Variants in TSEN2 observed in about 807,000 individuals in gnomAD.
TSEN2 encodes tRNA splicing endonuclease subunit 2.
In TSEN2, 54 loss-of-function variants were observed where a neutral mutation model predicts 59.2. That is an observed-to-expected ratio of 0.91 (90% confidence interval 0.73 to 1.14). The LOEUF is 1.14. Ranked by LOEUF, TSEN2 falls within the 50% of genes most tolerant of loss-of-function variation. The pLI is 0.00. For synonymous variants in TSEN2, 195 were observed against 198.2 expected (o/e 0.98, Z 0.14); for missense variants, 636 against 576.2 (o/e 1.10, Z -1.06).
At chr3:12,500,260 TTCAGC>T (rs1272819048) in intron 4 of TSEN2, among the ~76,000 whole-genome samples, 1 of 152,258 alleles carries the variant, frequency 6.6e-6, no homozygotes, top group Non-Finnish European at 1.5e-5. Context: ...AGAGGACGCC[TTCAGC>T]TCTGACCCAT....
intron 1 of TSEN2, among the ~76,000 whole-genome samples, chr3:12,487,306 C>T (rs2052717299): frequency 6.6e-6 from 1 of 152,152 alleles, no homozygotes; most frequent in African/African-American, 2.4e-5. Flanking sequence ...GTCGCAGGGA[C>T]CCTTCCATCC....
At chr3:12,505,783 C>CA (rs34334319) in intron 6 of TSEN2, among the ~76,000 whole-genome samples, 46,572 of 84,388 alleles carry the variant, frequency 0.55, 12,116 homozygotes, top group African/African-American at 0.67. Context: ...AACTCTGTCT[C>CA]AAAAAAAAAA....
chr3:12,487,110 C>A (rs1392804495), intron 1 of TSEN2, among the ~76,000 whole-genome samples: 1 of 152,170 alleles, frequency 6.6e-6, no homozygotes, highest in Non-Finnish European at 1.5e-5. Flanking sequence ...GAGGAACTGC[C>A]AGACTCCTCC....
At chr3:12,508,504 C>T (rs2055077342) in intron 6 of TSEN2, among the ~76,000 whole-genome samples, 2 of 152,150 alleles carry the variant, frequency 1.3e-5, no homozygotes. Context: ...GGAACACAGG[C>T]AGAATGGGGT....
At position 12,503,384 on chromosome 3, in the gene TSEN2, A is replaced by G. The variant is rs778603443; in HGVS notation, c.431A>G (p.Asn144Ser). 6.2e-6 allele frequency: 10 copies of G among 1,614,096 alleles called. No individual in the cohort carries two copies. The highest frequency in any genetic ancestry group is 7.6e-6 in the Non-Finnish European group (9 of 1,180,038). ...CTTGAGCATCCTCCTGTGAAAAGGA[A>G]TGAAGAGGCTCAAGTGCATGACAAG... ...KPLEHPPVKR[N>S]EEAQVHDKLN... The change falls in exon 5 of 12, where the codon AAT becomes AGT. Residue 144 changes from asparagine (N) to serine (S), a missense_variant. Transcript: ENST00000284995.
chr3:12,513,582 C>A (rs1559329784), intron 6 of TSEN2, among the ~76,000 whole-genome samples: 1 of 152,172 alleles, frequency 6.6e-6, no homozygotes, highest in Non-Finnish European at 1.5e-5. Flanking sequence ...ACTTCCAAGG[C>A]CCTAGCTAAC....
intron 5 of TSEN2, among the ~76,000 whole-genome samples, chr3:12,504,767 TCAA>T (rs1474439835): frequency 6.6e-6 from 1 of 151,840 alleles, no homozygotes; most frequent in Non-Finnish European, 1.5e-5. Flanking sequence ...ACACCTGTAA[TCAA>T]CACTTTGGGA....
upstream of TSEN2, chr3:12,484,476 C>T (rs575482686): frequency 6.6e-6 from 1 of 152,394 alleles, no homozygotes; most frequent in African/African-American, 2.4e-5. Context: ...GCCCCACGGC[C>T]GGCGTTGCCG....
intron 4 of TSEN2, among the ~76,000 whole-genome samples, chr3:12,497,399 T>C (rs939596680): frequency 6.6e-6 from 1 of 152,188 alleles, no homozygotes; most frequent in African/African-American, 2.4e-5. Context: ...TCCTTTTTGG[T>C]TACATGCTTG....
intron 5 of TSEN2, among the ~76,000 whole-genome samples, chr3:12,504,054 C>A (rs1485882183): frequency 6.6e-6 from 1 of 152,148 alleles, no homozygotes; most frequent in Non-Finnish European, 1.5e-5. Context: ...GATAATTACA[C>A]CTGATCTTGA....
chr3:12,496,896 T>A (rs1220204713), intron 4 of TSEN2, among the ~76,000 whole-genome samples: 2 of 152,172 alleles, frequency 1.3e-5, no homozygotes, highest in Non-Finnish European at 2.9e-5. Flanking sequence ...CCTGTCCCCC[T>A]TCCTCCAGCT....
At chr3:12,526,141 C>T (rs1043988901) in intron 8 of TSEN2, among the ~76,000 whole-genome samples, 1 of 151,890 alleles carries the variant, frequency 6.6e-6, no homozygotes, top group African/African-American at 2.4e-5. Context: ...GAGTTCAAGA[C>T]CAGCCTGGGC....
At chr3:12,497,998 C>T (rs1396421173) in intron 4 of TSEN2, among the ~76,000 whole-genome samples, 1 of 151,978 alleles carries the variant, frequency 6.6e-6, no homozygotes, top group Non-Finnish European at 1.5e-5. Context: ...ATGCATCACT[C>T]TAATCTCTGC....
At chr3:12,524,068 A>C (rs990258128) in intron 8 of TSEN2, among the ~76,000 whole-genome samples, 1 of 152,164 alleles carries the variant, frequency 6.6e-6, no homozygotes, top group African/African-American at 2.4e-5. Flanking sequence ...AAATTTTTCC[A>C]GTTGTCCTTG....
At chr3:12,530,205 A>G (rs1390314499) in intron 10 of TSEN2, 2 of 1,128,324 alleles carry the variant, frequency 1.8e-6, no homozygotes, top group Non-Finnish European at 2.2e-6. Flanking sequence ...TTATACTGCA[A>G]TTTAACATTC....
chr3:12,484,394 G>C (rs2052370199), upstream of TSEN2: 1 of 152,388 alleles, frequency 6.6e-6, no homozygotes, highest in South Asian at 2.1e-4. Flanking sequence ...ACTCCGCCAA[G>C]TCCCGACGGG....
At chr3:12,481,321 A>G (rs1022170170), upstream of TSEN2, among the ~76,000 whole-genome samples, 1 of 152,186 alleles carries the variant, frequency 6.6e-6, no homozygotes, top group Non-Finnish European at 1.5e-5. Flanking sequence ...ATCACAATCA[A>G]TACTTCACTG....
intron 2 of TSEN2, among the ~76,000 whole-genome samples, chr3:12,491,683 A>G (rs1293359369): frequency 6.6e-6 from 1 of 152,246 alleles, no homozygotes; most frequent in East Asian, 1.9e-4. Context: ...ATCATTAGAT[A>G]ATCAGAGGGA....
chr3:12,494,459 C>T (rs1243717166), intron 3 of TSEN2, among the ~76,000 whole-genome samples: 1 of 152,154 alleles, frequency 6.6e-6, no homozygotes, highest in Non-Finnish European at 1.5e-5. Flanking sequence ...GTGCAATCTC[C>T]GATCTCAGCT....
Sources: allele counts gnomAD v4.1 joint callset (sites outside exome capture counted in the v4.1 genomes callset), GRCh38; gene constraint gnomAD v4.1.1; transcripts MANE v1.5; gene names NCBI Gene and HGNC (gene_info 2026-07-23, HGNC 2026-07-21).